CFAP20DC: variants seen among roughly 807,000 people sequenced by gnomAD.
CFAP20DC encodes CFAP20 domain containing, also known as protein CFAP20DC.
CFAP20DC carries 84 observed loss-of-function variants against 101.7 expected under a neutral mutation model. The observed-to-expected ratio is 0.83, with a 90% CI of 0.69 to 0.99. The LOEUF (loss-of-function observed/expected upper bound fraction) is 0.99. Ranked by LOEUF, CFAP20DC falls within the 50% of genes least tolerant of loss-of-function variation. CFAP20DC has a pLI of 0.00. For synonymous variants in CFAP20DC, 359 were observed against 351.2 expected (o/e 1.02, Z -0.25); for missense variants, 1,007 against 970.3 (o/e 1.04, Z -0.50).
chr3:58,954,948 A>G (rs1487909844), intron 4 of CFAP20DC, among the ~76,000 whole-genome samples: 1 of 152,076 alleles, frequency 6.6e-6, no homozygotes, highest in African/African-American at 2.4e-5. Flanking sequence ...TAATTCATTA[A>G]GGTAGCAAAA....
intron 1 of CFAP20DC, among the ~76,000 whole-genome samples, chr3:59,048,907 T>C (rs761174088): frequency 2.6e-5 from 4 of 152,160 alleles, no homozygotes; most frequent in Non-Finnish European, 4.4e-5. Flanking sequence ...CACTCTAGGA[T>C]ACTCAAAGTG....
intron 14 of CFAP20DC, among the ~76,000 whole-genome samples, chr3:58,817,076 G>T (rs969642255): frequency 2.0e-5 from 3 of 151,998 alleles, no homozygotes; most frequent in African/African-American, 7.2e-5. Context: ...TGCAGCTGAG[G>T]GTCTTGTCTG....
At chr3:58,927,527 T>C (rs571815476) in intron 5 of CFAP20DC, among the ~76,000 whole-genome samples, 1 of 152,312 alleles carries the variant, frequency 6.6e-6, no homozygotes, top group South Asian at 2.1e-4. Context: ...TCCCACCAAG[T>C]GCTTGTGTGA....
intron 6 of CFAP20DC, among the ~76,000 whole-genome samples, chr3:58,888,962 T>C (rs2106705884): frequency 6.6e-6 from 1 of 152,098 alleles, no homozygotes; most frequent in East Asian, 1.9e-4. Context: ...ATTCCGTTTT[T>C]CTCCACAACC....
chr3:58,806,395 C>T lies in CFAP20DC; in HGVS notation c.2237G>A (p.Arg746Gln), dbSNP rs372630966. The T allele has an allele frequency of 6.1e-5, 97 of 1,585,082 alleles. No homozygotes were observed. The highest frequency in any genetic ancestry group is 7.5e-5 in the Non-Finnish European group (86 of 1,154,040). ...AATGTAGATTATTAATGATTCTTAC[C>T]GGGGATTAGAAGGAGAAGGTGGGTT... The part of the protein sequence containing the change: ...EMNPPSPSNP[R>Q]DWLNMLSPPI... The change falls in exon 15 of 17, where the codon CGG becomes CAG. Residue 746 changes from arginine to glutamine, a missense_variant and splice_region_variant. Physicochemically the swap from Arg to Gln is conservative, Grantham distance 43. Coordinates refer to ENST00000482387, the MANE Select transcript of CFAP20DC (RefSeq NM_001394063.1).
chr3:58,937,746 T>A lies in CFAP20DC; in HGVS notation c.295A>T (p.Asn99Tyr). The A allele has an allele frequency of 6.3e-7, 1 of 1,592,872 alleles. No homozygotes were observed. Among genetic ancestry groups the A allele is most frequent in the Non-Finnish European group, 8.6e-7 (1 of 1,161,292 alleles). The change falls in exon 5 of 17, where the codon AAC (asparagine) becomes TAC (tyrosine). Residue 99 changes from asparagine (N) to tyrosine (Y), a missense_variant. Physicochemically the swap from Asn to Tyr is moderately radical, Grantham distance 143. Transcript: ENST00000482387. ...GATAAATATAATCTTCTTTTGATGT[T>A]CCCTAAATCAGTAATTCTGAAAACA... ...STELLITDLGNIKRRLYLSTV... is the reference protein window; with the variant it reads ...STELLITDLGYIKRRLYLSTV...
At chr3:58,740,301 C>T (rs543506316), downstream of CFAP20DC, among the ~76,000 whole-genome samples, 20 of 152,264 alleles carry the variant, frequency 1.3e-4, no homozygotes, top group African/African-American at 4.6e-4. This position sits in a 1 kb window ranked among gnomAD's most constrained non-coding sequence, Gnocchi z 4.6. Context: ...CTTAACAGTG[C>T]CCTCTTCTCC....
At chr3:58,844,467 G>C (rs201253188) in intron 13 of CFAP20DC, among the ~76,000 whole-genome samples, 8,201 of 125,044 alleles carry the variant, frequency 0.066, 568 homozygotes, top group African/African-American at 0.18. Flanking sequence ...GCTAACTATC[G>C]TAAACATATA....
chr3:58,958,178 G>A (rs1335344800), intron 4 of CFAP20DC, among the ~76,000 whole-genome samples: 2 of 151,862 alleles, frequency 1.3e-5, no homozygotes, highest in African/African-American at 2.4e-5. Flanking sequence ...CCTTATGCTT[G>A]TTTGCAGACC....
In CFAP20DC at chr3:58,894,488, A is replaced by C. The variant is rs1481736912; in HGVS notation, c.551-9779T>G. 6.6e-6 allele frequency among the ~76,000 whole-genome samples: 1 copy of C among 152,210 alleles called. No homozygotes were observed. The highest frequency in any genetic ancestry group is 1.5e-5 in the Non-Finnish European group (1 of 68,028). On this transcript the variant is annotated intron_variant, in intron 6 of 16. Transcript: ENST00000482387. The surrounding 1 kb of genome is among the most constrained non-coding windows in gnomAD (Gnocchi z 4.1). ...CTCCAAAATGATCTCCTTTGACTCC[A>C]TGTCTCACATTCAGGACACGCTGAT...
chr3:58,765,490 CAA>C (rs1337049385), intron 15 of CFAP20DC, among the ~76,000 whole-genome samples: 3 of 81,824 alleles, frequency 3.7e-5, no homozygotes, highest in Admixed American at 1.4e-4. Flanking sequence ...AAAAAAAAAC[CAA>C]AAAAAAAAAA....
chr3:58,826,938 T>A (rs1464923620), intron 14 of CFAP20DC, among the ~76,000 whole-genome samples: 1 of 152,024 alleles, frequency 6.6e-6, no homozygotes, highest in Non-Finnish European at 1.5e-5. Flanking sequence ...CAGTGACAAG[T>A]GAGTTGGGGC....
chr3:58,975,504 C>T (rs1421139575), intron 4 of CFAP20DC, among the ~76,000 whole-genome samples: 2 of 152,104 alleles, frequency 1.3e-5, no homozygotes, highest in Admixed American at 1.3e-4. Flanking sequence ...TGAGGCAGCA[C>T]TGAAGAAAAT....
chr3:58,803,137 A>T (rs115704647), intron 15 of CFAP20DC, among the ~76,000 whole-genome samples: 1,691 of 152,326 alleles, frequency 0.011, 41 homozygotes, highest in African/African-American at 0.038. Flanking sequence ...GAATAGTTGC[A>T]GATGTCTCAC....
At chr3:58,881,440 T>C (rs2081222797) in intron 7 of CFAP20DC, among the ~76,000 whole-genome samples, 1 of 152,148 alleles carries the variant, frequency 6.6e-6, no homozygotes, top group Non-Finnish European at 1.5e-5. Flanking sequence ...TCTTCTACAA[T>C]AGTTATTAGT....
intron 6 of CFAP20DC, among the ~76,000 whole-genome samples, chr3:58,901,221 T>C (rs1028134363): frequency 6.6e-6 from 1 of 152,152 alleles, no homozygotes; most frequent in African/African-American, 2.4e-5. Context: ...TGCGATAAAG[T>C]GTGTTCATTT....
chr3:58,943,313 A>T (rs1412081743), intron 4 of CFAP20DC, among the ~76,000 whole-genome samples: 2 of 152,152 alleles, frequency 1.3e-5, no homozygotes, highest in Admixed American at 6.5e-5. Context: ...GACACGTCAT[A>T]CAGGAGAGCT....
rs2091402137 is a variant in CFAP20DC, at chr3:58,964,625, G to A, written c.279-26863C>T. Among the ~76,000 whole-genome samples, 1 of 152,126 alleles carries A rather than the reference G, an allele frequency of 6.6e-6. No individual in the cohort carries two copies. Among genetic ancestry groups the A allele is most frequent in the Non-Finnish European group, 1.5e-5 (1 of 68,022 alleles). On this transcript the variant is annotated intron_variant, in intron 4 of 16. Transcript: ENST00000482387. This position sits in a 1 kb window ranked among gnomAD's most constrained non-coding sequence, Gnocchi z 4.1. ...GACTTATAAATGCTGTGATTTTTAA[G>A]TTAACACCTACCACTTACTAATAAT...
chr3:58,890,197 C>A (rs1349604598), intron 6 of CFAP20DC, among the ~76,000 whole-genome samples: 1 of 149,580 alleles, frequency 6.7e-6, no homozygotes, highest in Admixed American at 6.6e-5. Context: ...CCCCCCACCT[C>A]CCTCCCGGAC....
Sources: gnomAD v4.1 joint callset for allele counts (sites outside exome capture counted in the v4.1 genomes callset) on GRCh38, gnomAD v4.1.1 for gene constraint, Gnocchi (gnomAD v3.1) non-coding constraint, MANE v1.5 for transcripts, NCBI Gene and HGNC (gene_info 2026-07-23, HGNC 2026-07-21) for gene names.